SYT17: variants seen among roughly 807,000 people sequenced by gnomAD.
SYT17 encodes synaptotagmin-17.
A neutral mutation model predicts 46.7 loss-of-function variants in SYT17; 22 were observed. That is an observed-to-expected ratio of 0.47 (90% CI 0.34 to 0.67). The LOEUF (loss-of-function observed/expected upper bound fraction) is 0.67. Ranked by LOEUF, SYT17 falls within the 30% of genes least tolerant of loss-of-function variation. The probability of loss-of-function intolerance (pLI) is 0.01; values close to 1 mark genes in which losing one functional copy is unlikely to be tolerated. For synonymous variants in SYT17, 251 were observed against 248.4 expected (o/e 1.01, Z -0.10); for missense variants, 519 against 612.8 (o/e 0.85, Z 1.62).
At chr16:19,258,978 T>C (rs1296968948) in intron 7 of SYT17, among the ~76,000 whole-genome samples, 1 of 152,216 alleles carries the variant, frequency 6.6e-6, no homozygotes, top group African/African-American at 2.4e-5. Context: ...TGTTTCCTGG[T>C]TGTGTTTCCC....
At chr16:19,171,539 G>T (rs1964091855) in intron 1 of SYT17, 1 of 152,126 alleles carries the variant, frequency 6.6e-6, no homozygotes, top group African/African-American at 2.4e-5. Flanking sequence ...TGGCCAGGCT[G>T]GTCTCAAACT....
chr16:19,255,492 A>G (rs913702137), intron 7 of SYT17, among the ~76,000 whole-genome samples: 1 of 152,142 alleles, frequency 6.6e-6, no homozygotes, highest in Non-Finnish European at 1.5e-5. Flanking sequence ...AAACAAATGC[A>G]TTAAAAAATT....
intron 5 of SYT17, 95 bp from the exon 6 acceptor site, chr16:19,222,950 C>T (rs1192522697): frequency 3.3e-6 from 5 of 1,535,960 alleles, no homozygotes; most frequent in South Asian, 1.2e-5. Flanking sequence ...CTCACAGCAA[C>T]CTGTTTGTGA....
intron 7 of SYT17, among the ~76,000 whole-genome samples, chr16:19,257,335 C>T (rs931994989): frequency 4.6e-5 from 7 of 150,924 alleles, no homozygotes; most frequent in African/African-American, 1.2e-4. Flanking sequence ...TACATATACC[C>T]GCTCATTGTA....
upstream of SYT17, chr16:19,168,216 C>G (rs1377969679): frequency 5.9e-6 from 1 of 168,290 alleles, no homozygotes. The surrounding 1 kb of genome is among the most constrained non-coding windows in gnomAD (Gnocchi z 6.9). Context: ...CTTCCCCATT[C>G]CCATCCCCTC....
intron 5 of SYT17, among the ~76,000 whole-genome samples, chr16:19,206,128 A>T (rs1426712702): frequency 6.6e-6 from 1 of 152,212 alleles, no homozygotes. Flanking sequence ...ATTGCCAAAA[A>T]CACCATATAA....
At chr16:19,256,321 T>C (rs1968556361) in intron 7 of SYT17, among the ~76,000 whole-genome samples, 1 of 151,938 alleles carries the variant, frequency 6.6e-6, no homozygotes. Context: ...CCTAGAGAGA[T>C]GGCGAGAAGG....
At chr16:19,189,356 T>C (rs1349450664) in intron 5 of SYT17, among the ~76,000 whole-genome samples, 7 of 150,666 alleles carry the variant, frequency 4.6e-5, no homozygotes, top group Admixed American at 2.0e-4. Flanking sequence ...TTTTTTTTTT[T>C]CTGAGACAGG....
chr16:19,178,967 G>A (rs564515522), intron 3 of SYT17, among the ~76,000 whole-genome samples: 21 of 152,056 alleles, frequency 1.4e-4, no homozygotes, highest in African/African-American at 4.6e-4. Context: ...GGCTGAGGGC[G>A]GGAGGATCAC....
At chr16:19,245,238 C>T (rs1967453839) in intron 7 of SYT17, among the ~76,000 whole-genome samples, 1 of 152,196 alleles carries the variant, frequency 6.6e-6, no homozygotes, top group East Asian at 1.9e-4. Flanking sequence ...GGACATTTGA[C>T]AATGTCTGGA....
At chr16:19,262,679 A>G (rs960641209) in intron 7 of SYT17, among the ~76,000 whole-genome samples, 5 of 152,232 alleles carry the variant, frequency 3.3e-5, no homozygotes, top group Non-Finnish European at 1.5e-5. Flanking sequence ...CTTGGTGTCC[A>G]GCATAGTTAG....
intron 3 of SYT17, among the ~76,000 whole-genome samples, chr16:19,177,383 T>C (rs1964356448): frequency 6.6e-6 from 1 of 152,214 alleles, no homozygotes; most frequent in South Asian, 2.1e-4. Flanking sequence ...CACTGGGCAG[T>C]GCTTAATACA....
At position 19,252,535 on chromosome 16, in the gene SYT17, A is replaced by G. The variant is rs1288915192; in HGVS notation, c.1229-14345A>G. On this transcript the variant is annotated intron_variant, in intron 7 of 7. Transcript: ENST00000355377. ...TATATATACATATATATATACATATATATATTTTTTTTTAAATAACTTGAG... is the reference window on the plus strand; with the variant it reads ...TATATATACATATATATATACATATGTATATTTTTTTTTAAATAACTTGAG... Among the ~76,000 whole-genome samples the G allele has an allele frequency of 4.2e-5, 2 of 47,814 alleles. 1 individual carries two copies. Among genetic ancestry groups the G allele is most frequent in the Non-Finnish European group, 8.1e-5 (2 of 24,718 alleles). 31.4% of individuals were successfully genotyped at this position (47,814 alleles called of 152,430 possible).
At chr16:19,180,009 C>T (rs7202905) in intron 3 of SYT17, among the ~76,000 whole-genome samples, 89,331 of 151,986 alleles carry the variant, frequency 0.59, 28,165 homozygotes, top group African/African-American at 0.83. Flanking sequence ...AGCAGAAGTT[C>T]GGATGCCTAT....
At chr16:19,177,289 C>T (rs1964352241) in intron 3 of SYT17, among the ~76,000 whole-genome samples, 1 of 152,166 alleles carries the variant, frequency 6.6e-6, no homozygotes, top group South Asian at 2.1e-4. Context: ...TTATGAATGG[C>T]ACCACCTAGG....
Position 19,168,735 on chromosome 16 carries a change from G to T in SYT17, c.15+74G>T. On this transcript the variant is annotated intron_variant, in intron 1 of 7. Transcript: ENST00000355377. The surrounding 1 kb of genome is among the most constrained non-coding windows in gnomAD (Gnocchi z 6.9). Reference sequence around the variant, plus strand: ...GCGCCCCCTCCGGCTGGGAGCGCGCGGAAGGGAGGGCCCACGGCTAGGCTC... The same window carrying T: ...GCGCCCCCTCCGGCTGGGAGCGCGCTGAAGGGAGGGCCCACGGCTAGGCTC... 1 of 1,413,170 alleles carries T rather than the reference G, an allele frequency of 7.1e-7. No individual in the cohort carries two copies. Among genetic ancestry groups the T allele is most frequent in the Non-Finnish European group, 9.3e-7 (1 of 1,075,986 alleles). 87.5% of individuals were successfully genotyped at this position (1,413,170 alleles called of 1,614,324 possible).
intron 5 of SYT17, among the ~76,000 whole-genome samples, chr16:19,217,788 T>C (rs900417835): frequency 6.6e-6 from 1 of 152,274 alleles, no homozygotes; most frequent in Non-Finnish European, 1.5e-5. Context: ...ACCAGCAGTA[T>C]ACAGCGTTCT....
intron 3 of SYT17, among the ~76,000 whole-genome samples, chr16:19,174,295 C>T (rs902925347): frequency 6.6e-6 from 1 of 152,222 alleles, no homozygotes; most frequent in Non-Finnish European, 1.5e-5. Context: ...GTCCACCTCT[C>T]CGTGACTGAG....
intron 7 of SYT17, among the ~76,000 whole-genome samples, chr16:19,227,836 C>T (rs192222732): frequency 3.0e-4 from 45 of 152,326 alleles, no homozygotes; most frequent in African/African-American, 9.6e-4. Context: ...GGGAATAGAG[C>T]AGTGAACAAA....
Sources: gnomAD v4.1 joint callset for allele counts (sites outside exome capture counted in the v4.1 genomes callset) on GRCh38, gnomAD v4.1.1 for gene constraint, Gnocchi (gnomAD v3.1) non-coding constraint, MANE v1.5 for transcripts, NCBI Gene and HGNC (gene_info 2026-07-23, HGNC 2026-07-21) for gene names.